Variants in PLCL1 observed in about 807,000 individuals in gnomAD.
PLCL1 encodes the protein inactive phospholipase C-like protein 1.
PLCL1 carries 41 observed loss-of-function variants against 84.4 expected under a neutral mutation model. The ratio of observed to expected loss-of-function variants is 0.49; its 90% CI spans 0.38 to 0.63. The LOEUF (loss-of-function observed/expected upper bound fraction) is 0.63. Ranked by LOEUF, PLCL1 falls within the 30% of genes least tolerant of loss-of-function variation. PLCL1 has a pLI of 0.00. For missense variants in PLCL1, 1,206 were observed against 1,367.8 expected (o/e 0.88, Z 1.87); for synonymous variants, 490 against 488.3 (o/e 1.00, Z -0.05).
chr2:197,810,366 C>A, intron 1 of PLCL1: 1 of 753,448 alleles, frequency 1.3e-6, no homozygotes, highest in Non-Finnish European at 2.0e-6. Flanking sequence ...TTTGAAGTGT[C>A]TGTTGATTAG....
chr2:197,884,781 C>CA (rs1363022919), intron 1 of PLCL1, among the ~76,000 whole-genome samples: 1 of 152,180 alleles, frequency 6.6e-6, no homozygotes, highest in Non-Finnish European at 1.5e-5. Context: ...AAATCACCAT[C>CA]ATCTCTTATC....
chr2:197,877,256 C>T (rs1046677118), intron 1 of PLCL1, among the ~76,000 whole-genome samples: 1 of 151,940 alleles, frequency 6.6e-6, no homozygotes, highest in Non-Finnish European at 1.5e-5. Context: ...GGAGAAAATG[C>T]CTTAGATCCT....
intron 1 of PLCL1, among the ~76,000 whole-genome samples, chr2:197,928,436 A>T (rs555317215): frequency 6.6e-6 from 1 of 152,358 alleles, no homozygotes; most frequent in Non-Finnish European, 1.5e-5. Context: ...AGAAGTATAG[A>T]TACTAGCCAA....
chr2:198,076,517 CT>C (rs1468425585), intron 1 of PLCL1, among the ~76,000 whole-genome samples: 4 of 152,084 alleles, frequency 2.6e-5, no homozygotes, highest in Admixed American at 6.6e-5. Context: ...ACAATAAATG[CT>C]TTTTTTATTG....
chr2:197,963,041 G>A (rs965881754), intron 1 of PLCL1, among the ~76,000 whole-genome samples: 36 of 152,186 alleles, frequency 2.4e-4, no homozygotes, highest in African/African-American at 8.4e-4. Context: ...GAACATGGGA[G>A]TACAGATATC....
chr2:198,063,757 G>T (rs559757473), intron 1 of PLCL1, among the ~76,000 whole-genome samples: 23 of 152,108 alleles, frequency 1.5e-4, no homozygotes, highest in Non-Finnish European at 8.8e-5. Context: ...ATTTAAATTT[G>T]TATACTGTGT....
intron 1 of PLCL1, among the ~76,000 whole-genome samples, chr2:198,006,142 T>C (rs1341902875): frequency 6.6e-6 from 1 of 152,074 alleles, no homozygotes; most frequent in Non-Finnish European, 1.5e-5. Context: ...AGGACTGGAG[T>C]TGTTAAAAGA....
chr2:197,823,382 G>T (rs1690857114), intron 1 of PLCL1, among the ~76,000 whole-genome samples: 1 of 151,964 alleles, frequency 6.6e-6, no homozygotes, highest in African/African-American at 2.4e-5. Context: ...GTGGTTGGTG[G>T]TTTTTGGGAG....
At chr2:197,935,047 C>T (rs932943285) in intron 1 of PLCL1, among the ~76,000 whole-genome samples, 2 of 152,100 alleles carry the variant, frequency 1.3e-5, no homozygotes, top group South Asian at 2.1e-4. Context: ...CAACATCACT[C>T]GTCATTTGAG....
At chr2:197,970,636 G>A (rs939363482) in intron 1 of PLCL1, among the ~76,000 whole-genome samples, 2 of 152,088 alleles carry the variant, frequency 1.3e-5, no homozygotes, top group African/African-American at 2.4e-5. Context: ...ATTTTACCTG[G>A]TGCTTTTTAC....
chr2:198,135,582 T>C (rs1694235901), intron 5 of PLCL1, among the ~76,000 whole-genome samples: 1 of 152,296 alleles, frequency 6.6e-6, no homozygotes, highest in Non-Finnish European at 1.5e-5. Context: ...TGAATCATAT[T>C]TTTAAAGTTT....
At chr2:197,810,842 C>T (rs948757584) in intron 1 of PLCL1, among the ~76,000 whole-genome samples, 1 of 148,282 alleles carries the variant, frequency 6.7e-6, no homozygotes, top group Non-Finnish European at 1.5e-5. Context: ...GAGCAATGTC[C>T]AAACTGAGAT....
chr2:197,852,814 A>G (rs1267955892), intron 1 of PLCL1, among the ~76,000 whole-genome samples: 1 of 152,146 alleles, frequency 6.6e-6, no homozygotes, highest in East Asian at 1.9e-4. Flanking sequence ...TAGGATATCT[A>G]TATACATCTA....
chr2:198,090,949 A>G (rs1693013724), intron 3 of PLCL1, among the ~76,000 whole-genome samples: 1 of 152,202 alleles, frequency 6.6e-6, no homozygotes, highest in Non-Finnish European at 1.5e-5. Context: ...TGAAGCCAAG[A>G]CTGAAATATT....
chr2:197,860,646 T>C (rs1310744967), intron 1 of PLCL1, among the ~76,000 whole-genome samples: 3 of 152,204 alleles, frequency 2.0e-5, no homozygotes, highest in African/African-American at 7.2e-5. Flanking sequence ...GAGCTTTTTT[T>C]CATATGCTTG....
At chr2:198,000,739 C>T (rs941495055) in intron 1 of PLCL1, among the ~76,000 whole-genome samples, 107 of 145,368 alleles carry the variant, frequency 7.4e-4, no homozygotes, top group African/African-American at 2.3e-3. Flanking sequence ...CTTTATTTCC[C>T]TTTTTTTTTT....
chr2:197,927,975 A>T (rs1364120544), intron 1 of PLCL1, among the ~76,000 whole-genome samples: 1 of 152,126 alleles, frequency 6.6e-6, no homozygotes, highest in Non-Finnish European at 1.5e-5. Context: ...TGAAAAATGC[A>T]CAAACTCTTA....
At chr2:197,876,350 G>T (rs962570373) in intron 1 of PLCL1, among the ~76,000 whole-genome samples, 4 of 152,088 alleles carry the variant, frequency 2.6e-5, no homozygotes, top group Non-Finnish European at 5.9e-5. Flanking sequence ...TGGAGGAGGG[G>T]ATCCCGGAAT....
intron 1 of PLCL1, among the ~76,000 whole-genome samples, chr2:198,082,452 A>G (rs1574297411): frequency 6.6e-6 from 1 of 152,076 alleles, no homozygotes; most frequent in Admixed American, 6.6e-5. Context: ...AAAAAAAAAA[A>G]AGTTATTTTT....
Sources: gnomAD v4.1 joint callset for allele counts (sites outside exome capture counted in the v4.1 genomes callset) on GRCh38, gnomAD v4.1.1 for gene constraint, MANE v1.5 for transcripts, NCBI Gene and HGNC (gene_info 2026-07-23, HGNC 2026-07-21) for gene names.